The following ABCC1 variants were observed in gnomAD, a reference collection of about 807,000 sequenced individuals.
ABCC1 encodes multidrug resistance-associated protein 1.
ABCC1 carries 83 observed loss-of-function variants against 172.9 expected under a neutral mutation model. The observed-to-expected ratio is 0.48, with a 90% CI of 0.40 to 0.58. The LOEUF is 0.58. ABCC1 is among the 20% of genes least tolerant of loss of function. ABCC1 has a pLI of 0.00. For synonymous variants in ABCC1, 937 were observed against 825.2 expected, an observed-to-expected ratio of 1.14 and a Z score of -2.32; for missense variants, 1,817 against 2,002.7, an observed-to-expected ratio of 0.91 and a Z score of 1.77.
chr16:16,090,965 A>G (rs1033513967), intron 19 of ABCC1, among the ~76,000 whole-genome samples: 5 of 152,158 alleles, frequency 3.3e-5, no homozygotes, highest in Non-Finnish European at 2.9e-5. Context: ...AACTGAGGAC[A>G]TACGTGACAC....
In ABCC1 at chr16:16,070,011, C is replaced by T. The variant is rs532017370; in HGVS notation, c.1825-1631C>T. On this transcript the variant is annotated intron_variant, in intron 13 of 30. Coordinates refer to ENST00000399410, the MANE Select transcript of ABCC1 (RefSeq NM_004996.4). ...TTGTGCCACTGCACTCCAGCCTGGG[C>T]GACTGAGTGAGACTCAGTCTCCAAG... Among the ~76,000 whole-genome samples the T allele has an allele frequency of 1.4e-4, 22 of 151,874 alleles. No homozygotes were observed. The East Asian group carries it at 3.5e-3, about 24-fold the overall frequency.
intron 9 of ABCC1, among the ~76,000 whole-genome samples, chr16:16,047,007 T>A (rs561803179): frequency 6.6e-6 from 1 of 151,976 alleles, no homozygotes; most frequent in Non-Finnish European, 1.5e-5. Flanking sequence ...ACCAGCCTGG[T>A]CAATATAGCA....
At chr16:16,004,657 C>CTTTTTTT (rs66530759) in intron 1 of ABCC1, among the ~76,000 whole-genome samples, 2 of 112,164 alleles carry the variant, frequency 1.8e-5, no homozygotes, top group Non-Finnish European at 3.7e-5. Context: ...GTAAGGTTTA[C>CTTTTTTT]TTTTTTTTTT....
intron 26 of ABCC1, among the ~76,000 whole-genome samples, chr16:16,127,959 T>G (rs916419853): frequency 6.6e-6 from 1 of 151,566 alleles, no homozygotes; most frequent in African/African-American, 2.4e-5. Context: ...GCTTTTTTTT[T>G]GCCCAGGCTG....
At chr16:15,992,521 T>C (rs2046902803) in intron 1 of ABCC1, among the ~76,000 whole-genome samples, 1 of 151,826 alleles carries the variant, frequency 6.6e-6, no homozygotes, top group Admixed American at 6.6e-5. Context: ...TGCCTCAGCC[T>C]CCTGGGTAGC....
At chr16:15,991,777 C>G (rs1196368664) in intron 1 of ABCC1, among the ~76,000 whole-genome samples, 3 of 152,272 alleles carry the variant, frequency 2.0e-5, no homozygotes, top group African/African-American at 7.2e-5. Flanking sequence ...CACGCCGACT[C>G]TGCAGTGGCC....
chr16:16,058,925 G>C (rs1329741941), intron 12 of ABCC1, among the ~76,000 whole-genome samples: 1 of 152,138 alleles, frequency 6.6e-6, no homozygotes, highest in Non-Finnish European at 1.5e-5. Context: ...GAAAGTGCTG[G>C]GATTACAGGC....
At chr16:16,101,330 G>A (rs994194280) in intron 19 of ABCC1, among the ~76,000 whole-genome samples, 5 of 152,224 alleles carry the variant, frequency 3.3e-5, no homozygotes, top group East Asian at 1.9e-4. Flanking sequence ...CACCGTGCCC[G>A]GCGGCCACCT....
intron 15 of ABCC1, among the ~76,000 whole-genome samples, chr16:16,077,887 G>A (rs1175120986): frequency 6.6e-6 from 1 of 152,156 alleles, no homozygotes; most frequent in African/African-American, 2.4e-5. Flanking sequence ...GCTGGGCATG[G>A]TGGTGCATGC....
At position 16,102,691 on chromosome 16, in the gene ABCC1, G is replaced by A. The variant is rs759210875; in HGVS notation, c.2709G>A (p.Thr903=). The change falls in exon 20 of 31, where the codon ACG becomes ACA. Residue 903 remains threonine, a synonymous_variant. Transcript: ENST00000399410. Reference sequence around the variant, plus strand: ...AAATGGAGAATGGCATGCTGGTGACGGACAGTGCAGGGAAGCAACTGCAGA... The same window carrying A: ...AAATGGAGAATGGCATGCTGGTGACAGACAGTGCAGGGAAGCAACTGCAGA... The part of the protein sequence containing the change: ...AKQMENGMLV[T]DSAGKQLQRQ... 29 of 1,586,378 alleles carry A rather than the reference G, an allele frequency of 1.8e-5. No homozygotes were observed. In the South Asian group the frequency reaches 2.5e-4, roughly 14 times the overall value.
At chr16:16,094,480 C>T (rs1251445230) in intron 19 of ABCC1, 1 of 164,836 alleles carries the variant, frequency 6.1e-6, no homozygotes, top group African/African-American at 2.4e-5. Context: ...ACGTGCATAC[C>T]TTTGATGGCC....
intron 19 of ABCC1, among the ~76,000 whole-genome samples, chr16:16,093,640 A>G (rs982560825): frequency 1.1e-4 from 16 of 151,884 alleles, no homozygotes; most frequent in Non-Finnish European, 2.1e-4. Context: ...ACCCTTTTCC[A>G]TTGCTCTGGA....
At chr16:15,980,939 G>A (rs1343755507) in intron 1 of ABCC1, among the ~76,000 whole-genome samples, 2 of 152,182 alleles carry the variant, frequency 1.3e-5, no homozygotes, top group Non-Finnish European at 2.9e-5. Context: ...CAAGCATTGG[G>A]TAAATACACC....
chr16:16,046,846 G>A (rs1422082337), intron 9 of ABCC1, among the ~76,000 whole-genome samples: 1 of 150,652 alleles, frequency 6.6e-6, no homozygotes, highest in African/African-American at 2.5e-5. Context: ...GGTACTTGAT[G>A]AACTAGAGGA....
At chr16:15,967,165 A>G (rs2046262310) in intron 1 of ABCC1, among the ~76,000 whole-genome samples, 3 of 152,126 alleles carry the variant, frequency 2.0e-5, no homozygotes, top group Admixed American at 2.0e-4. Context: ...TATATTCTCC[A>G]AAGGGCCATG....
Position 16,122,008 on chromosome 16 carries a change from C to G in ABCC1, c.3424C>G (p.Arg1142Gly). ...CGTGGCTTCCTCCCGGCAGCTGAAG[C>G]GCCTCGAGTCGGTCAGCCGCTCCCC... ...FYVASSRQLKRLESVSRSPVY... is the reference protein window; with the variant it reads ...FYVASSRQLKGLESVSRSPVY... Residue 1142 changes from arginine (R) to glycine (G), a missense_variant, in exon 24 of 31, where the codon CGC becomes GGC. Coordinates refer to ENST00000399410, the MANE Select transcript of ABCC1 (RefSeq NM_004996.4). 6.2e-7 allele frequency: 1 copy of G among 1,614,226 alleles called. No individual in the cohort carries two copies. The highest frequency in any genetic ancestry group is 8.5e-7 in the Non-Finnish European group (1 of 1,180,044).
chr16:15,955,974 G>T lies in ABCC1; in HGVS notation c.48+6175G>T, dbSNP rs150363372. Among the ~76,000 whole-genome samples, 4 of 152,242 alleles carry T rather than the reference G, an allele frequency of 2.6e-5. No individual in the cohort carries two copies. In the East Asian group the frequency reaches 5.8e-4, roughly 22 times the overall value. On this transcript the variant is annotated intron_variant, in intron 1 of 30. Coordinates refer to ENST00000399410, the MANE Select transcript of ABCC1 (RefSeq NM_004996.4). ...TGTAGTTGAAAATTTAGGATGCAGC[G>T]CGGTGGCTTACACCTGTAATCTCAG...
chr16:16,111,484 A>G lies in ABCC1; in HGVS notation c.2981A>G (p.Tyr994Cys), dbSNP rs2052387481. 1.9e-6 allele frequency: 3 copies of G among 1,614,006 alleles called. No homozygotes were observed. Among genetic ancestry groups the G allele is most frequent in the South Asian group, 1.1e-5 (1 of 91,064 alleles). ...CATGTGTCCGCGCTGGCTTCCAACT[A>G]TTGGCTCAGCCTCTGGACTGATGAC... Reference protein sequence around the residue: ...CNHVSALASNYWLSLWTDDPI... With the variant: ...CNHVSALASNCWLSLWTDDPI... The change falls in exon 22 of 31, where the codon TAT (tyrosine) becomes TGT (cysteine). Residue 994 changes from tyrosine to cysteine, a missense_variant. Physicochemically the swap from Tyr to Cys is radical, Grantham distance 194. Coordinates refer to ENST00000399410, the MANE Select transcript of ABCC1 (RefSeq NM_004996.4).
intron 13 of ABCC1, among the ~76,000 whole-genome samples, chr16:16,069,245 G>A (rs1199004148): frequency 6.6e-6 from 1 of 151,760 alleles, no homozygotes; most frequent in South Asian, 2.1e-4. Context: ...ATGGTGGTGT[G>A]CCCCTGTACT....
Sources: allele counts gnomAD v4.1 joint callset (sites outside exome capture counted in the v4.1 genomes callset), GRCh38; gene constraint gnomAD v4.1.1; transcripts MANE v1.5; gene names NCBI Gene and HGNC (gene_info 2026-07-23, HGNC 2026-07-21).